The following FAM135B variants were observed in gnomAD, a reference collection of about 807,000 sequenced individuals.
FAM135B encodes the protein family with sequence similarity 135 member B.
A neutral mutation model predicts 127.7 loss-of-function variants in FAM135B; 43 were observed. That is an observed-to-expected ratio of 0.34 (90% CI 0.26 to 0.43). The LOEUF is 0.43. FAM135B is among the 20% of genes least tolerant of loss of function. The pLI is 1.00. For synonymous variants in FAM135B, 670 were observed against 665.1 expected, an observed-to-expected ratio of 1.01 and a Z score of -0.11; for missense variants, 1,558 against 1,725.6, an observed-to-expected ratio of 0.90 and a Z score of 1.72.
intron 1 of FAM135B, among the ~76,000 whole-genome samples, chr8:138,478,295 T>A (rs1814610002): frequency 6.6e-6 from 1 of 152,142 alleles, no homozygotes; most frequent in Non-Finnish European, 1.5e-5. Context: ...TTGCTATAGG[T>A]CCTTGTCTTT....
At chr8:138,344,573 CTTTCTTT>C (rs1563920123) in intron 2 of FAM135B, among the ~76,000 whole-genome samples, 1 of 113,606 alleles carries the variant, frequency 8.8e-6, no homozygotes, top group Non-Finnish European at 1.8e-5. Flanking sequence ...CACTTTCTTT[CTTTCTTT>C]TTTTTTTTTT....
intron 5 of FAM135B, among the ~76,000 whole-genome samples, chr8:138,252,056 C>T (rs957871562): frequency 2.6e-5 from 4 of 152,154 alleles, no homozygotes; most frequent in African/African-American, 7.2e-5. Context: ...TTTTAGAGCT[C>T]AGGGTGACTC....
Position 138,143,119 on chromosome 8 carries a change from G to A in FAM135B, c.3541-10C>T, listed in dbSNP as rs778790275. On this transcript the variant is annotated splice_polypyrimidine_tract_variant and intron_variant, in intron 15 of 19. Transcript: ENST00000395297. ...CTGCAAATGTGTCCATCTGGAAGAA[G>A]AGAGAGGAACAGGTGTTGGGTATGG... 9 of 1,517,736 alleles carry A rather than the reference G, an allele frequency of 5.9e-6. No individual in the cohort carries two copies. The highest frequency in any genetic ancestry group is 1.4e-5 in the African/African-American group (1 of 73,016). 94.0% of individuals were successfully genotyped at this position (1,517,736 alleles called of 1,614,324 possible).
intron 2 of FAM135B, among the ~76,000 whole-genome samples, chr8:138,349,939 T>C (rs779377411): frequency 2.0e-4 from 31 of 152,202 alleles, no homozygotes; most frequent in Admixed American, 3.9e-4. Flanking sequence ...AATATCCACA[T>C]AGCTAAAATT....
In FAM135B at chr8:138,265,793, G is replaced by A. The variant is rs755126863; in HGVS notation, c.207C>T (p.Ser69=). 6.2e-7 allele frequency: 1 copy of A among 1,613,910 alleles called. No individual in the cohort carries two copies. Among genetic ancestry groups the A allele is most frequent in the African/African-American group, 1.3e-5 (1 of 74,900 alleles). ...SACVHDSTVH[S]RVFQILYRNE... is the part of the protein sequence containing the mutation. ...TCCGGTATAAGATCTGAAAGACCCG[G>A]CTGTGCACGGTGCTGTCATGGACAC... The change falls in exon 4 of 20, where the codon AGC becomes AGT. Residue 69 remains serine, a synonymous_variant. Transcript: ENST00000395297.
intron 1 of FAM135B, among the ~76,000 whole-genome samples, chr8:138,420,521 T>C (rs143846769): frequency 6.6e-6 from 1 of 152,004 alleles, no homozygotes; most frequent in East Asian, 1.9e-4. Context: ...ATCATTCTAT[T>C]AATAACACCA....
intron 6 of FAM135B, among the ~76,000 whole-genome samples, chr8:138,248,820 T>C (rs1053682117): frequency 1.0e-4 from 3 of 29,314 alleles, no homozygotes; most frequent in African/African-American, 5.8e-4. Context: ...TGAGACGCTG[T>C]CTCAAAAAAA....
At chr8:138,483,186 T>C (rs1013972561) in intron 1 of FAM135B, among the ~76,000 whole-genome samples, 4 of 152,210 alleles carry the variant, frequency 2.6e-5, no homozygotes, top group Non-Finnish European at 5.9e-5. Context: ...ATGGGTCACA[T>C]TTCTAACCAC....
chr8:138,410,756 C>T (rs1331841308), intron 1 of FAM135B, among the ~76,000 whole-genome samples: 1 of 152,150 alleles, frequency 6.6e-6, no homozygotes. Flanking sequence ...ACAGAACTAC[C>T]ATTCTACCCA....
At chr8:138,452,968 C>T (rs941973263) in intron 1 of FAM135B, among the ~76,000 whole-genome samples, 2 of 152,118 alleles carry the variant, frequency 1.3e-5, no homozygotes, top group African/African-American at 2.4e-5. Context: ...GAGCTACCCT[C>T]GGAAGTTCAG....
At chr8:138,245,008 T>C (rs1821166448) in intron 6 of FAM135B, among the ~76,000 whole-genome samples, 2 of 152,184 alleles carry the variant, frequency 1.3e-5, no homozygotes, top group Non-Finnish European at 2.9e-5. Context: ...TGACAGGTAT[T>C]TCCCACAAAC....
rs533597452 is a variant in FAM135B, at chr8:138,160,371, T to TTTTATTTA, written c.1259-7163_1259-7156dup. On this transcript the variant is annotated intron_variant, in intron 12 of 19. Coordinates refer to ENST00000395297, the MANE Select transcript of FAM135B (RefSeq NM_015912.4). ...TGGGAACCCCTGAGCTGGTGTCTGG[T>TTTTATTTA]TTTATTTATTTATTTATTTATTTAT... 2.3e-3 allele frequency among the ~76,000 whole-genome samples: 342 copies of TTTTATTTA among 151,654 alleles called. 1 individual carries two copies. The highest frequency in any genetic ancestry group is 7.7e-3 in the African/African-American group (319 of 41,364).
chr8:138,483,420 G>T (rs1418880537), intron 1 of FAM135B, among the ~76,000 whole-genome samples: 1 of 152,198 alleles, frequency 6.6e-6, no homozygotes, highest in East Asian at 1.9e-4. Flanking sequence ...CCAAGCTGCT[G>T]TGGGAGCAGA....
chr8:138,471,955 A>T (rs1837700202), intron 1 of FAM135B, among the ~76,000 whole-genome samples: 1 of 152,218 alleles, frequency 6.6e-6, no homozygotes, highest in South Asian at 2.1e-4. Flanking sequence ...CAACTTGGTC[A>T]CCATGCAAAG....
intron 2 of FAM135B, among the ~76,000 whole-genome samples, chr8:138,333,734 T>C (rs1828350517): frequency 6.6e-6 from 1 of 152,194 alleles, no homozygotes; most frequent in Admixed American, 6.5e-5. Context: ...TATAAGATAT[T>C]AATTAACAAT....
chr8:138,168,043 C>T lies in FAM135B; in HGVS notation c.1110G>A (p.Gln370=), dbSNP rs2130903776. The T allele has an allele frequency of 6.2e-7, 1 of 1,612,920 alleles. No individual in the cohort carries two copies. The highest frequency in any genetic ancestry group is 8.5e-7 in the Non-Finnish European group (1 of 1,179,438). ...TATCCAGGGACAGCTGGCTGTGCGT[C>T]TGTATCCTGGGGAGCACATGGCAGG... is the stretch of plus-strand genomic sequence containing the variant. ...AVLTFQENLI[Q]THSQLSLDIR... Residue 370 remains glutamine, a synonymous_variant, in exon 12 of 20, where the codon CAG becomes CAA. Transcript: ENST00000395297.
intron 19 of FAM135B, among the ~76,000 whole-genome samples, chr8:138,134,636 A>C (rs1205815143): frequency 6.6e-6 from 1 of 152,164 alleles, no homozygotes; most frequent in Non-Finnish European, 1.5e-5. Context: ...AGAGGTTGAG[A>C]GGTATTTTAT....
At chr8:138,474,094 T>G (rs1814246705) in intron 1 of FAM135B, among the ~76,000 whole-genome samples, 1 of 152,188 alleles carries the variant, frequency 6.6e-6, no homozygotes, top group Non-Finnish European at 1.5e-5. Flanking sequence ...GCAAAACCAT[T>G]GTAGAGTCAG....
intron 12 of FAM135B, among the ~76,000 whole-genome samples, chr8:138,159,199 G>A (rs535042704): frequency 7.1e-6 from 1 of 141,294 alleles, no homozygotes; most frequent in South Asian, 2.4e-4. Flanking sequence ...GTGAACCCGG[G>A]AAGCGGAGCT....
Sources: allele counts gnomAD v4.1 joint callset (sites outside exome capture counted in the v4.1 genomes callset), GRCh38; gene constraint gnomAD v4.1.1; transcripts MANE v1.5; gene names NCBI Gene and HGNC (gene_info 2026-07-23, HGNC 2026-07-21).